GRK5: variants seen among roughly 807,000 people sequenced by gnomAD.
GRK5 encodes the protein G protein-coupled receptor kinase 5.
In GRK5, 40 loss-of-function variants were observed where a neutral mutation model predicts 78.4. The ratio of observed to expected loss-of-function variants is 0.51; its 90% CI spans 0.40 to 0.66. The LOEUF is 0.66. Among genes scored for constraint, GRK5 ranks in the 30% least tolerant of loss-of-function variants. The pLI is 0.00. For missense variants in GRK5, 598 were observed against 759.9 expected (o/e 0.79, Z 2.50); for synonymous variants, 289 against 296.8 (o/e 0.97, Z 0.27).
At chr10:119,326,465 C>T (rs369263199) in intron 1 of GRK5, 51 bp from the exon 2 acceptor site, 227 of 1,482,772 alleles carry the variant, frequency 1.5e-4, no homozygotes, top group Middle Eastern at 7.0e-4. Context: ...ACTGCGGGGA[C>T]GCCGCAGGCT....
At chr10:119,360,449 C>T (rs181187725) in intron 2 of GRK5, among the ~76,000 whole-genome samples, 1 of 151,314 alleles carries the variant, frequency 6.6e-6, no homozygotes, top group Non-Finnish European at 1.5e-5. Flanking sequence ...GTGGGAGGAG[C>T]CTGTGTGAGT....
intron 9 of GRK5, 137 bp from the exon 10 acceptor site, chr10:119,439,594 C>G: frequency 2.9e-6 from 2 of 699,792 alleles, no homozygotes; most frequent in South Asian, 3.6e-5. Context: ...TCAAACCAGA[C>G]AGCCTGAGCC....
At chr10:119,263,717 A>C (rs1196224919) in intron 1 of GRK5, among the ~76,000 whole-genome samples, 1 of 152,078 alleles carries the variant, frequency 6.6e-6, no homozygotes, top group Non-Finnish European at 1.5e-5. Context: ...ATGTCAGAAG[A>C]TCGAGACCGT....
At chr10:119,328,561 C>T (rs1263048765) in intron 2 of GRK5, among the ~76,000 whole-genome samples, 1 of 152,208 alleles carries the variant, frequency 6.6e-6, no homozygotes, top group Non-Finnish European at 1.5e-5. Context: ...GAAAGCCATT[C>T]CTGGATGCTG....
At chr10:119,308,627 G>A (rs1303011346) in intron 1 of GRK5, among the ~76,000 whole-genome samples, 3 of 152,232 alleles carry the variant, frequency 2.0e-5, no homozygotes, top group African/African-American at 4.8e-5. Context: ...GTCAGCCCGC[G>A]TCTTCGTAGC....
chr10:119,301,018 C>T (rs1198963213), intron 1 of GRK5, among the ~76,000 whole-genome samples: 5 of 151,988 alleles, frequency 3.3e-5, no homozygotes, highest in Admixed American at 6.6e-5. Flanking sequence ...TCAGGAGAAT[C>T]GCTTGAACCC....
At position 119,217,548 on chromosome 10, in the gene GRK5, C is replaced by G. The variant is rs138348914; in HGVS notation, c.52+9579C>G. Among the ~76,000 whole-genome samples, 30 of 152,352 alleles carry G rather than the reference C, an allele frequency of 2.0e-4. No individual in the cohort carries two copies. The East Asian group carries it at 5.8e-3, about 29-fold the overall frequency. ...TCGGACAAGCGAGGCCAGCCTCTTG[C>G]GTTATTTTTCCCCTCAGCATGGCTA... On this transcript the variant is annotated intron_variant, in intron 1 of 15. Coordinates refer to ENST00000392870, the MANE Select transcript of GRK5 (RefSeq NM_005308.3). This position sits in a 1 kb window ranked among gnomAD's most constrained non-coding sequence, Gnocchi z 4.1.
chr10:119,416,463 C>A (rs924795574), intron 4 of GRK5, among the ~76,000 whole-genome samples: 2 of 152,282 alleles, frequency 1.3e-5, no homozygotes, highest in Admixed American at 6.5e-5. Context: ...CAGCATCTCC[C>A]TTTCTGTTCA....
At position 119,412,222 on chromosome 10, in the gene GRK5, C is replaced by CA. The variant is rs1341443762; in HGVS notation, c.340-10940dup. Among the ~76,000 whole-genome samples the CA allele has an allele frequency of 6.6e-6, 1 of 152,124 alleles. No homozygotes were observed. Among genetic ancestry groups the CA allele is most frequent in the African/African-American group, 2.4e-5 (1 of 41,432 alleles). The stretch of plus-strand genomic sequence containing the variant: ...GGTGAGCATCACCTTCCTTTGAACT[C>CA]AAAAGAGGCACAGTGAGAGCCTTCC... On this transcript the variant is annotated intron_variant, in intron 4 of 15. Coordinates refer to ENST00000392870, the MANE Select transcript of GRK5 (RefSeq NM_005308.3). This position sits in a 1 kb window ranked among gnomAD's most constrained non-coding sequence, Gnocchi z 4.3.
intron 4 of GRK5, among the ~76,000 whole-genome samples, chr10:119,422,803 A>G (rs963347582): frequency 2.0e-5 from 3 of 152,364 alleles, no homozygotes; most frequent in Non-Finnish European, 2.9e-5. Context: ...CTCTGACTAC[A>G]TGCCCAGGCC....
chr10:119,270,615 C>T (rs10787945), intron 1 of GRK5, among the ~76,000 whole-genome samples: 52,533 of 152,092 alleles, frequency 0.35, 9,456 homozygotes, highest in East Asian at 0.68. Context: ...CCATGACAGG[C>T]CCATAAGCTG....
intron 4 of GRK5, among the ~76,000 whole-genome samples, chr10:119,418,200 G>GGCAGA: frequency 6.6e-6 from 1 of 152,212 alleles, no homozygotes; most frequent in African/African-American, 2.4e-5. Context: ...GGCAGGGCAG[G>GGCAGA]TTCTTTTACC....
chr10:119,207,809 C>G lies in GRK5; in HGVS notation c.-109C>G. The stretch of plus-strand genomic sequence containing the variant: ...GTAGGCAAGGCGGGCTGCTGGCTCC[C>G]CCGGCTCCGGCAGCAGCGGCGGCAG... On this transcript the variant is annotated 5_prime_UTR_variant, in exon 1 of 16. Coordinates refer to ENST00000392870, the MANE Select transcript of GRK5 (RefSeq NM_005308.3). 11 of 1,088,590 alleles carry G rather than the reference C, an allele frequency of 1.0e-5. No homozygotes were observed. The highest frequency in any genetic ancestry group is 1.4e-5 in the Non-Finnish European group (11 of 767,254). 67.4% of individuals were successfully genotyped at this position (1,088,590 alleles called of 1,614,324 possible). A position where few individuals can be genotyped will look rare whatever the true frequency, so the allele number is the denominator to read the frequency against.
chr10:119,216,138 T>A (rs534308819), intron 1 of GRK5, among the ~76,000 whole-genome samples: 4 of 152,368 alleles, frequency 2.6e-5, no homozygotes, highest in African/African-American at 9.6e-5. Flanking sequence ...CATTGCTTGT[T>A]CCCTGGTGTC....
At chr10:119,309,598 G>A (rs1850328217) in intron 1 of GRK5, among the ~76,000 whole-genome samples, 1 of 152,334 alleles carries the variant, frequency 6.6e-6, no homozygotes, top group South Asian at 2.1e-4. Flanking sequence ...TTAAGAGGGT[G>A]GTGTTTCCCC....
At chr10:119,396,613 C>A in intron 3 of GRK5, 82 bp from the exon 4 acceptor site, 2 of 1,210,130 alleles carry the variant, frequency 1.7e-6, no homozygotes, top group Non-Finnish European at 2.4e-6. Context: ...TAGGGGATTT[C>A]CTCCAGGGGC....
intron 1 of GRK5, among the ~76,000 whole-genome samples, chr10:119,233,707 A>G (rs1848868924): frequency 6.6e-6 from 1 of 152,186 alleles, no homozygotes; most frequent in African/African-American, 2.4e-5. Flanking sequence ...AACCCAAGAC[A>G]GCAGGCCAGA....
At position 119,207,704 on chromosome 10, in the gene GRK5, AAGCGGC is replaced by A. The variant is rs1564847830; in HGVS notation, c.-213_-208del. 2 of 379,476 alleles carry A rather than the reference AAGCGGC, an allele frequency of 5.3e-6. No individual in the cohort carries two copies. The highest frequency in any genetic ancestry group is 2.5e-5 in the South Asian group (1 of 40,646). The allele number at this position is 379,476 out of a possible 1,614,324, so 23.5% of individuals were successfully genotyped here. On this transcript the variant is annotated 5_prime_UTR_variant, in exon 1 of 16. Transcript: ENST00000392870. ...GGAGGGGGGACACAGAGGGAGGAAG[AAGCGGC>A]GGCGGCGGCGGCGGCGGCGGCGGCT...
chr10:119,327,117 G>A (rs1044937876), intron 2 of GRK5, among the ~76,000 whole-genome samples: 1 of 152,138 alleles, frequency 6.6e-6, no homozygotes, highest in Non-Finnish European at 1.5e-5. Context: ...GGTGAGGTGG[G>A]GGAGGTAGGG....
Sources: gnomAD v4.1 joint callset for allele counts (sites outside exome capture counted in the v4.1 genomes callset) on GRCh38, gnomAD v4.1.1 for gene constraint, Gnocchi (gnomAD v3.1) non-coding constraint, MANE v1.5 for transcripts, NCBI Gene and HGNC (gene_info 2026-07-23, HGNC 2026-07-21) for gene names.